The following C1orf21 variants were observed in gnomAD, a reference collection of about 807,000 sequenced individuals.
C1orf21 encodes the protein chromosome 1 open reading frame 21, also known as uncharacterized protein C1orf21.
A neutral mutation model predicts 18.7 loss-of-function variants in C1orf21; 3 were observed. That is an observed-to-expected ratio of 0.16 (90% confidence interval 0.07 to 0.42). The LOEUF (loss-of-function observed/expected upper bound fraction) is 0.42. Among genes scored for constraint, C1orf21 ranks in the 10% least tolerant of loss-of-function variants. The probability of loss-of-function intolerance (pLI) is 0.99; values close to 1 mark genes in which losing one functional copy is unlikely to be tolerated. For synonymous variants in C1orf21, 41 were observed against 46.4 expected (o/e 0.88, Z 0.47); for missense variants, 104 against 143.6 (o/e 0.72, Z 1.41).
intron 5 of C1orf21, among the ~76,000 whole-genome samples, chr1:184,617,260 T>C (rs997402075): frequency 3.9e-5 from 6 of 152,108 alleles, no homozygotes; most frequent in Admixed American, 3.3e-4. Flanking sequence ...TATATGTACA[T>C]ATATACACTG....
intron 3 of C1orf21, among the ~76,000 whole-genome samples, chr1:184,543,078 T>C (rs1658679682): frequency 6.6e-6 from 1 of 152,222 alleles, no homozygotes; most frequent in African/African-American, 2.4e-5. Context: ...TTTCCTTTCC[T>C]CTGGCTCAAC....
rs547115598 is a variant in C1orf21, at chr1:184,626,071, T to G, written c.*6515T>G. The G allele has an allele frequency of 6.6e-6, 1 of 152,286 alleles. No individual in the cohort carries two copies. Among genetic ancestry groups the G allele is most frequent in the African/African-American group, 2.4e-5 (1 of 41,558 alleles). The allele number at this position is 152,286 out of a possible 1,614,324, so 9.4% of individuals were successfully genotyped here. ...GACCCAGGTATAGCATTTTTAGCATTGCCTTTCCAGTCTTGATGATTCATT... is the reference window on the plus strand; with the variant it reads ...GACCCAGGTATAGCATTTTTAGCATGGCCTTTCCAGTCTTGATGATTCATT... On this transcript the variant is annotated 3_prime_UTR_variant, in exon 6 of 6. Transcript: ENST00000235307.
intron 3 of C1orf21, among the ~76,000 whole-genome samples, chr1:184,589,357 ATCGT>A (rs1659404057): frequency 6.6e-6 from 1 of 152,216 alleles, no homozygotes; most frequent in Non-Finnish European, 1.5e-5. Context: ...ACTTTTTGAC[ATCGT>A]TCATTCATTC....
chr1:184,501,709 G>T (rs1177801820), intron 2 of C1orf21, among the ~76,000 whole-genome samples: 2 of 152,186 alleles, frequency 1.3e-5, no homozygotes, highest in Non-Finnish European at 2.9e-5. Context: ...AAGGATAGCA[G>T]GGGATAGTGC....
chr1:184,579,494 CT>C (rs60469440), intron 3 of C1orf21, among the ~76,000 whole-genome samples: 33,218 of 97,982 alleles, frequency 0.34, 5,668 homozygotes, highest in African/African-American at 0.51. Flanking sequence ...TCAAGATTTT[CT>C]TTTTTTTTTT....
At chr1:184,497,718 G>A (rs937017485) in intron 2 of C1orf21, among the ~76,000 whole-genome samples, 10 of 152,176 alleles carry the variant, frequency 6.6e-5, no homozygotes, top group East Asian at 3.9e-4. Context: ...TTCCTATTTC[G>A]TTAATGATTT....
rs1351311779 is a variant in C1orf21, at chr1:184,516,870, G to T, written c.189+9188G>T. 2.0e-5 allele frequency among the ~76,000 whole-genome samples: 3 copies of T among 152,168 alleles called. No individual in the cohort carries two copies. In the East Asian group the frequency reaches 5.8e-4, roughly 29 times the overall value. On this transcript the variant is annotated intron_variant, in intron 3 of 5. Coordinates refer to ENST00000235307, the MANE Select transcript of C1orf21 (RefSeq NM_030806.4). ...GAAATGAAGACTTGGAAATTAGGAG[G>T]CATCCCTGATCAGATGAAATGCTTC...
In C1orf21 at chr1:184,565,946, A is replaced by T. The variant is rs112946095; in HGVS notation, c.190-24793A>T. ...AATGTTGATTTTTGAGTATAAAAATAAGGAGAGGACATTTAATGGATGGAA... is the reference window on the plus strand; with the variant it reads ...AATGTTGATTTTTGAGTATAAAAATTAGGAGAGGACATTTAATGGATGGAA... On this transcript the variant is annotated intron_variant, in intron 3 of 5. Coordinates refer to ENST00000235307, the MANE Select transcript of C1orf21 (RefSeq NM_030806.4). Among the ~76,000 whole-genome samples the T allele has an allele frequency of 1.2e-3, 185 of 152,338 alleles. 1 individual carries two copies. Among genetic ancestry groups the T allele is most frequent in the African/African-American group, 4.3e-3 (177 of 41,572 alleles).
rs79770493 is a variant in C1orf21 at position 184,622,530 on chromosome 1, A to G, written c.*2974A>G. On this transcript the variant is annotated 3_prime_UTR_variant, in exon 6 of 6. Coordinates refer to ENST00000235307, the MANE Select transcript of C1orf21 (RefSeq NM_030806.4). ...GAAGACGTGTTTGTTATTGGCAGAG[A>G]ACCTTAAAAAAGGCCTTTACCTCAG... The G allele has an allele frequency of 0.015, 2,320 of 152,822 alleles. 54 individuals carry two copies. Among genetic ancestry groups the G allele is most frequent in the African/African-American group, 0.05 (2,094 of 41,572 alleles). The allele number at this position is 152,822 out of a possible 1,614,324, so 9.5% of individuals were successfully genotyped here. A position where few individuals can be genotyped will look rare whatever the true frequency, so the allele number is the denominator to read the frequency against.
At chr1:184,605,045 A>G (rs1659631075) in intron 5 of C1orf21, among the ~76,000 whole-genome samples, 1 of 152,234 alleles carries the variant, frequency 6.6e-6, no homozygotes, top group East Asian at 1.9e-4. Flanking sequence ...ACAATCAGTG[A>G]ATGGTATCAT....
intron 1 of C1orf21, among the ~76,000 whole-genome samples, chr1:184,438,231 C>T (rs1475194038): frequency 6.6e-6 from 1 of 152,194 alleles, no homozygotes; most frequent in African/African-American, 2.4e-5. Flanking sequence ...TAATATAGAA[C>T]TTAGCTCAAC....
chr1:184,585,972 G>C (rs999721818), intron 3 of C1orf21, among the ~76,000 whole-genome samples: 12 of 152,078 alleles, frequency 7.9e-5, no homozygotes, highest in Non-Finnish European at 1.5e-4. Context: ...ATATTCCTTT[G>C]GGTATATAAT....
chr1:184,567,697 G>A, intron 3 of C1orf21: 1 of 367,742 alleles, frequency 2.7e-6, no homozygotes. Context: ...GATTTTTCCA[G>A]GGCTGCTAAA....
chr1:184,532,171 A>G (rs1658473087), intron 3 of C1orf21, among the ~76,000 whole-genome samples: 1 of 152,130 alleles, frequency 6.6e-6, no homozygotes, highest in South Asian at 2.1e-4. Context: ...GTTTGGAGTG[A>G]GAGGGAAATG....
intron 3 of C1orf21, among the ~76,000 whole-genome samples, chr1:184,561,835 C>G (rs1328324177): frequency 6.6e-6 from 1 of 152,098 alleles, no homozygotes; most frequent in Non-Finnish European, 1.5e-5. Flanking sequence ...CCAGGCTAGT[C>G]TCTTGGCCAG....
At chr1:184,577,952 T>G (rs201057187) in intron 3 of C1orf21, among the ~76,000 whole-genome samples, 6,835 of 96,492 alleles carry the variant, frequency 0.071, 924 homozygotes, top group African/African-American at 0.26. Flanking sequence ...GTTTTGTTTT[T>G]GTTTTTTTTT....
At chr1:184,405,547 C>A (rs1656230564) in intron 1 of C1orf21, among the ~76,000 whole-genome samples, 1 of 152,110 alleles carries the variant, frequency 6.6e-6, no homozygotes, top group African/African-American at 2.4e-5. Context: ...TTTGCAGTTC[C>A]CCCATTCTTG....
chr1:184,531,290 A>T (rs77281476), intron 3 of C1orf21, among the ~76,000 whole-genome samples: 6,904 of 152,230 alleles, frequency 0.045, 188 homozygotes, highest in Non-Finnish European at 0.066. Context: ...CATTGCTTGC[A>T]GGTTACATCT....
intron 3 of C1orf21, among the ~76,000 whole-genome samples, chr1:184,543,997 CA>C (rs1157538928): frequency 6.6e-6 from 1 of 152,108 alleles, no homozygotes; most frequent in African/African-American, 2.4e-5. Flanking sequence ...AAAACACAGA[CA>C]TTTGGTTGCC....
Sources: gnomAD v4.1 joint callset for allele counts (sites outside exome capture counted in the v4.1 genomes callset) on GRCh38, gnomAD v4.1.1 for gene constraint, MANE v1.5 for transcripts, NCBI Gene and HGNC (gene_info 2026-07-23, HGNC 2026-07-21) for gene names.